The following MN1 variants were observed in gnomAD, a reference collection of about 807,000 sequenced individuals.
The protein encoded by MN1 is MN1 proto-oncogene, transcriptional regulator, also known as transcriptional activator MN1.
Under a neutral mutation model 86.9 loss-of-function variants are expected in MN1, and 19 were observed. That is an observed-to-expected ratio of 0.22 (90% CI 0.15 to 0.32). MN1 has a LOEUF of 0.32. Ranked by LOEUF, MN1 falls within the 10% of genes least tolerant of loss-of-function variation. The probability of loss-of-function intolerance (pLI) is 1.00; values close to 1 mark genes in which losing one functional copy is unlikely to be tolerated. For missense variants in MN1, 1,841 were observed against 1,862.0 expected (o/e 0.99, Z 0.21); for synonymous variants, 928 against 849.6 (o/e 1.09, Z -1.60).
At position 27,799,723 on chromosome 22, in the gene MN1, G is replaced by A. The variant is rs1015032812; in HGVS notation, c.821C>T (p.Ser274Leu). ...CATGCCCGCAGCTCTGGGCATGGCC[G>A]AGGCGCCCGGGAAAGCGCCCCCAGG... ...QVPGGAFPGA[S>L]AMPRAAGMVG... Residue 274 changes from serine (S) to leucine (L), a missense_variant, in exon 1 of 2, where the codon TCG becomes TTG. Coordinates refer to ENST00000302326, the MANE Select transcript of MN1 (RefSeq NM_002430.3). The A allele has an allele frequency of 1.3e-6, 2 of 1,573,650 alleles. No individual in the cohort carries two copies. Among genetic ancestry groups the A allele is most frequent in the Middle Eastern group, 1.8e-4 (1 of 5,440 alleles).
At chr22:27,777,915 A>G (rs1433143948) in intron 1 of MN1, among the ~76,000 whole-genome samples, 1 of 151,938 alleles carries the variant, frequency 6.6e-6, no homozygotes, top group Non-Finnish European at 1.5e-5. Flanking sequence ...AAAATTCTAC[A>G]GGGTACATCA....
Position 27,750,396 on chromosome 22 carries a change from C to T in MN1, c.*519G>A, listed in dbSNP as rs41277853. ...AATTGGACTTTCACCCGGCAATATT[C>T]CAGAACTACTATTCTCCAGGATTTC... On this transcript the variant is annotated 3_prime_UTR_variant, in exon 2 of 2. Transcript: ENST00000302326. The T allele has an allele frequency of 8.7e-6, 2 of 229,640 alleles. No homozygotes were observed. Among genetic ancestry groups the T allele is most frequent in the Non-Finnish European group, 1.7e-5 (2 of 115,886 alleles). The allele number at this position is 229,640 out of a possible 1,614,324, so 14.2% of individuals were successfully genotyped here.
At chr22:27,777,498 A>C (rs1601333047) in intron 1 of MN1, among the ~76,000 whole-genome samples, 1 of 149,366 alleles carries the variant, frequency 6.7e-6, no homozygotes, top group African/African-American at 2.5e-5. Context: ...GTGCCCCTGC[A>C]CTCCAGCCTA....
chr22:27,777,803 A>G (rs890419216), intron 1 of MN1, among the ~76,000 whole-genome samples: 1 of 151,442 alleles, frequency 6.6e-6, no homozygotes, highest in Non-Finnish European at 1.5e-5. Flanking sequence ...TTGAACCCAG[A>G]AGGCGGAGGA....
chr22:27,763,936 A>G (rs966982148), intron 1 of MN1, among the ~76,000 whole-genome samples: 1 of 152,202 alleles, frequency 6.6e-6, no homozygotes, highest in Non-Finnish European at 1.5e-5. Context: ...TAGGGGGTTA[A>G]GCAAGCTTTG....
intron 1 of MN1, among the ~76,000 whole-genome samples, chr22:27,772,855 T>C (rs1260357621): frequency 1.4e-5 from 2 of 141,036 alleles, no homozygotes; most frequent in Non-Finnish European, 3.1e-5. Context: ...ACCATTGCCA[T>C]CATCATCATC....
At position 27,751,419 on chromosome 22, in the gene MN1, T is replaced by A. The variant is rs759637402; in HGVS notation, c.3782-323A>T. On this transcript the variant is annotated intron_variant, in intron 1 of 1. Transcript: ENST00000302326. Reference sequence around the variant, plus strand: ...GAGTTCCCAAAAGATTAACTGGACGTGATCTAAGTCAGGAATGCTTCCTGG... The same window carrying A: ...GAGTTCCCAAAAGATTAACTGGACGAGATCTAAGTCAGGAATGCTTCCTGG... Among the ~76,000 whole-genome samples, 244 of 152,168 alleles carry A rather than the reference T, an allele frequency of 1.6e-3. 3 individuals are homozygous for A. Among genetic ancestry groups the A allele is most frequent in the Admixed American group, 6.5e-4 (10 of 15,298 alleles).
rs1263136065 is a variant in MN1, at chr22:27,797,594, C to T, written c.2950G>A (p.Ala984Thr). Residue 984 changes from alanine (A) to threonine (T), a missense_variant, in exon 1 of 2, where the codon GCA becomes ACA. Physicochemically the swap from Ala to Thr is moderately conservative, Grantham distance 58. Transcript: ENST00000302326. ...CCTGCGGAGCTTCCCCCGACGGCTG[C>T]GCCTGACGCTTGCTGCTGCCCTGGG... Reference protein sequence around the residue: ...VSPGQQQASGAAVGGSSAGET... With the variant: ...VSPGQQQASGTAVGGSSAGET... 1 of 1,595,840 alleles carries T rather than the reference C, an allele frequency of 6.3e-7. No homozygotes were observed. The highest frequency in any genetic ancestry group is 8.5e-7 in the Non-Finnish European group (1 of 1,170,706).
chr22:27,769,919 C>T (rs1170677860), intron 1 of MN1, among the ~76,000 whole-genome samples: 1 of 152,068 alleles, frequency 6.6e-6, no homozygotes, highest in African/African-American at 2.4e-5. Context: ...TTCACTGGTA[C>T]CTTCCTTTAT....
intron 1 of MN1, among the ~76,000 whole-genome samples, chr22:27,758,926 A>T (rs1932817361): frequency 6.6e-6 from 1 of 152,146 alleles, no homozygotes; most frequent in Non-Finnish European, 1.5e-5. Flanking sequence ...CCCAGGCTCA[A>T]GCAATACTCC....
At chr22:27,796,639 G>C (rs1481580459) in intron 1 of MN1, 124 bp downstream of exon 1, 2 of 968,670 alleles carry the variant, frequency 2.1e-6, no homozygotes, top group South Asian at 1.6e-5. Context: ...CCAGCTCCTA[G>C]TTGGGGATTA....
At chr22:27,766,317 A>G (rs1932869573) in intron 1 of MN1, among the ~76,000 whole-genome samples, 1 of 152,120 alleles carries the variant, frequency 6.6e-6, no homozygotes. Context: ...AGCGATGCTG[A>G]CTGACTTGGC....
At chr22:27,775,347 G>C (rs1932964250) in intron 1 of MN1, among the ~76,000 whole-genome samples, 1 of 152,298 alleles carries the variant, frequency 6.6e-6, no homozygotes, top group African/African-American at 2.4e-5. Flanking sequence ...GTGGCCAGGG[G>C]TTCTTGGTAC....
intron 1 of MN1, among the ~76,000 whole-genome samples, chr22:27,769,552 AT>A (rs58248602): frequency 1.8e-4 from 15 of 83,276 alleles, no homozygotes; most frequent in Admixed American, 3.6e-4. Flanking sequence ...AAGGATGCCA[AT>A]TTTTTTTTTT....
intron 1 of MN1, among the ~76,000 whole-genome samples, chr22:27,794,064 T>G (rs1417856676): frequency 6.6e-6 from 1 of 152,256 alleles, no homozygotes; most frequent in South Asian, 2.1e-4. Context: ...TGCTCAAGGC[T>G]AATGGGACCA....
Position 27,799,449 on chromosome 22 carries a change from G to GGGT in MN1, c.1092_1094dup (p.Pro365dup). ...ACGAATTTTGTCGGACTAGAAGCCC[G>GGGT]GGTGGCGGCGGCGGCTGCTGCTGTG... On this transcript the variant is annotated inframe_insertion, in exon 1 of 2. Transcript: ENST00000302326. The GGGT allele has an allele frequency of 6.8e-7, 1 of 1,460,888 alleles. No homozygotes were observed. The highest frequency in any genetic ancestry group is 2.8e-5 in the Admixed American group (1 of 35,892). 90.5% of individuals were successfully genotyped at this position (1,460,888 alleles called of 1,614,324 possible). A position where few individuals can be genotyped will look rare whatever the true frequency, so the allele number is the denominator to read the frequency against.
intron 1 of MN1, among the ~76,000 whole-genome samples, chr22:27,795,310 G>A (rs1227898665): frequency 2.0e-5 from 3 of 151,310 alleles, no homozygotes; most frequent in Non-Finnish European, 4.4e-5. Flanking sequence ...CCCGGGATGC[G>A]CGCCTTGAAA....
intron 1 of MN1, among the ~76,000 whole-genome samples, chr22:27,773,224 A>G (rs1281099448): frequency 6.6e-6 from 1 of 151,772 alleles, no homozygotes; most frequent in Non-Finnish European, 1.5e-5. Context: ...CCGAGGCCCA[A>G]GGGGGGTCTG....
chr22:27,797,647 G>C lies in MN1; in HGVS notation c.2897C>G (p.Pro966Arg), dbSNP rs536374258. 1 of 1,598,730 alleles carries C rather than the reference G, an allele frequency of 6.3e-7. No individual in the cohort carries two copies. The highest frequency in any genetic ancestry group is 1.1e-5 in the South Asian group (1 of 89,068). ...GTFFDKYSAA[P>R]DSGGAPGVSP... ...CACCCCAGGTGCGCCCCCGCTGTCC[G>C]GAGCCGCCGAGTACTTGTCAAAGAA... The change falls in exon 1 of 2, where the codon CCG becomes CGG. Residue 966 changes from proline (P) to arginine (R), a missense_variant. Transcript: ENST00000302326.
Sources: allele counts gnomAD v4.1 joint callset (sites outside exome capture counted in the v4.1 genomes callset), GRCh38; gene constraint gnomAD v4.1.1; transcripts MANE v1.5; gene names NCBI Gene and HGNC (gene_info 2026-07-23, HGNC 2026-07-21).